CCDC148: variants seen among roughly 807,000 people sequenced by gnomAD.
The protein encoded by CCDC148 is coiled-coil domain containing 148.
CCDC148 carries 89 observed loss-of-function variants against 85.7 expected under a neutral mutation model. The observed-to-expected ratio is 1.04, with a 90% CI of 0.87 to 1.24. The LOEUF (loss-of-function observed/expected upper bound fraction) is 1.24, where lower values mean the gene tolerates loss of function less well. CCDC148 is among the 50% of genes most tolerant of loss of function. The pLI is 0.00. For missense variants in CCDC148, 692 were observed against 671.7 expected (o/e 1.03, Z -0.33); for synonymous variants, 230 against 213.9 (o/e 1.08, Z -0.66).
intron 1 of CCDC148, among the ~76,000 whole-genome samples, chr2:158,385,925 T>C (rs1685066893): frequency 6.6e-6 from 1 of 152,122 alleles, no homozygotes; most frequent in Non-Finnish European, 1.5e-5. Context: ...GCCTCTGCAC[T>C]GTCTCCCTGG....
At position 158,250,908 on chromosome 2, in the gene CCDC148, C is replaced by T. The variant is rs768078869; in HGVS notation, c.1115G>A (p.Arg372His). 1.6e-5 allele frequency: 26 copies of T among 1,594,700 alleles called. No individual in the cohort carries two copies. The highest frequency in any genetic ancestry group is 2.1e-5 in the Non-Finnish European group (25 of 1,175,092). The change falls in exon 10 of 14, where the codon CGT becomes CAT. Residue 372 changes from arginine (R) to histidine (H), a missense_variant. Arg to His is a conservative substitution (Grantham distance 29, BLOSUM62 0). Coordinates refer to ENST00000283233, the MANE Select transcript of CCDC148 (RefSeq NM_138803.4). ...ELCADLKAKVRQWRAHQEEVA... is the reference protein window; with the variant it reads ...ELCADLKAKVHQWRAHQEEVA... The stretch of plus-strand genomic sequence containing the variant: ...CTCTTCTTGGTGGGCTCGCCATTGA[C>T]GAACCTGAAATAAAGAGAAAAACTT...
chr2:158,223,223 G>A (rs1687291770), intron 10 of CCDC148, among the ~76,000 whole-genome samples: 3 of 152,170 alleles, frequency 2.0e-5, no homozygotes, highest in Non-Finnish European at 1.5e-5. Context: ...CTCACTGCTA[G>A]CACAGCAGTC....
At chr2:158,381,276 G>T (rs1236985809) in intron 1 of CCDC148, among the ~76,000 whole-genome samples, 3 of 152,002 alleles carry the variant, frequency 2.0e-5, no homozygotes, top group Non-Finnish European at 4.4e-5. Context: ...ATGAGAAAAA[G>T]GCAGACGACC....
At chr2:158,419,730 G>A (rs1313241433) in intron 1 of CCDC148, among the ~76,000 whole-genome samples, 1 of 152,106 alleles carries the variant, frequency 6.6e-6, no homozygotes, top group Non-Finnish European at 1.5e-5. Context: ...GTGTGAGAAA[G>A]GGGATAGATG....
rs187433517 is a variant in CCDC148, at chr2:158,332,367, G to A, written c.764+6359C>T. ...TCTTCTGGCTTGGAGAGTTTCTGCC[G>A]AGAGATCAGCTGTTATTCTCATGGG... is the stretch of plus-strand genomic sequence containing the variant. On this transcript the variant is annotated intron_variant, in intron 7 of 13. Transcript: ENST00000283233. 4.7e-3 allele frequency among the ~76,000 whole-genome samples: 710 copies of A among 150,238 alleles called. 1 individual carries two copies. Among genetic ancestry groups the A allele is most frequent in the African/African-American group, 0.016 (641 of 40,416 alleles).
At chr2:158,353,323 A>G (rs1329854546) in intron 2 of CCDC148, among the ~76,000 whole-genome samples, 2 of 147,424 alleles carry the variant, frequency 1.4e-5, no homozygotes, top group African/African-American at 5.0e-5. Flanking sequence ...TGCTGTATTC[A>G]GGAAACCCAT....
At chr2:158,341,507 G>T (rs1170898678) in intron 3 of CCDC148, among the ~76,000 whole-genome samples, 1 of 151,960 alleles carries the variant, frequency 6.6e-6, no homozygotes, top group Non-Finnish European at 1.5e-5. Flanking sequence ...TAGAGACAGG[G>T]TTTCACTATG....
rs1336448389 is a variant in CCDC148 at position 158,358,459 on chromosome 2, G to A, written c.137C>T (p.Ala46Val). 1.2e-6 allele frequency: 2 copies of A among 1,605,512 alleles called. No individual in the cohort carries two copies. Among genetic ancestry groups the A allele is most frequent in the Non-Finnish European group, 8.5e-7 (1 of 1,177,322 alleles). The change falls in exon 2 of 14, where the codon GCA becomes GTA. Residue 46 changes from alanine (A) to valine (V), a missense_variant. By Grantham distance (64) the Ala-to-Val change is moderately conservative. Coordinates refer to ENST00000283233, the MANE Select transcript of CCDC148 (RefSeq NM_138803.4). ...CACACAACTTCTAACCTTTAGCTTT[G>A]CAGAGGCAGAAGCCAATTTCTTTGC... ...TEAKKLASAS[A>V]KLKIRKAMLT...
intron 9 of CCDC148, among the ~76,000 whole-genome samples, chr2:158,300,847 C>T (rs1283165658): frequency 1.3e-5 from 2 of 152,078 alleles, no homozygotes; most frequent in African/African-American, 2.4e-5. Flanking sequence ...GAATGGCATA[C>T]CTGAATTGCA....
chr2:158,180,233 G>T (rs537702052), intron 11 of CCDC148, among the ~76,000 whole-genome samples: 11 of 152,192 alleles, frequency 7.2e-5, no homozygotes, highest in African/African-American at 2.4e-4. Context: ...TCTGGATTCT[G>T]GTATTTACTG....
intron 1 of CCDC148, among the ~76,000 whole-genome samples, chr2:158,436,751 G>C (rs755701102): frequency 6.6e-6 from 1 of 152,098 alleles, no homozygotes; most frequent in Non-Finnish European, 1.5e-5. Context: ...AAAAAGAAAA[G>C]AGAGAAGAAT....
At chr2:158,229,815 A>G (rs1687760859) in intron 10 of CCDC148, among the ~76,000 whole-genome samples, 1 of 152,146 alleles carries the variant, frequency 6.6e-6, no homozygotes, top group Non-Finnish European at 1.5e-5. Flanking sequence ...GGAATTAAAC[A>G]TAATTTTATC....
chr2:158,336,480 G>A (rs966901643), intron 7 of CCDC148, among the ~76,000 whole-genome samples: 16 of 152,090 alleles, frequency 1.1e-4, no homozygotes, highest in African/African-American at 3.9e-4. Flanking sequence ...AATATTCCAA[G>A]CCTTCTTAGA....
intron 1 of CCDC148, among the ~76,000 whole-genome samples, chr2:158,438,380 T>C (rs1031504600): frequency 2.0e-5 from 3 of 152,190 alleles, no homozygotes; most frequent in Admixed American, 1.3e-4. Context: ...GGGGAAATGA[T>C]TCCCTATTTA....
intron 9 of CCDC148, among the ~76,000 whole-genome samples, chr2:158,295,266 T>C (rs941568562): frequency 1.3e-5 from 2 of 152,010 alleles, no homozygotes; most frequent in Admixed American, 1.3e-4. Flanking sequence ...CAGGACCAGA[T>C]GGATTCACAG....
At chr2:158,320,999 T>C (rs534933931) in intron 7 of CCDC148, among the ~76,000 whole-genome samples, 1 of 152,240 alleles carries the variant, frequency 6.6e-6, no homozygotes, top group South Asian at 2.1e-4. Context: ...CAAATAAATA[T>C]AACTAAGCAA....
In CCDC148 at chr2:158,424,906, C is replaced by T. The variant is rs556087274; in HGVS notation, c.25+31509G>A. ...ACATATATAGATGAAGAGCCAGTAA[C>T]GAAATTGTTAGACAGCAGATTATTA... On this transcript the variant is annotated intron_variant, in intron 1 of 13. Coordinates refer to ENST00000283233, the MANE Select transcript of CCDC148 (RefSeq NM_138803.4). 18 of 266,728 alleles carry T rather than the reference C, an allele frequency of 6.7e-5. No individual in the cohort carries two copies. In the East Asian group the frequency reaches 1.2e-3, roughly 17 times the overall value. The allele number at this position is 266,728 out of a possible 1,614,324, so 16.5% of individuals were successfully genotyped here. A position where few individuals can be genotyped will look rare whatever the true frequency, so the allele number is the denominator to read the frequency against.
chr2:158,280,280 T>C (rs1690209414), intron 9 of CCDC148, among the ~76,000 whole-genome samples: 1 of 152,142 alleles, frequency 6.6e-6, no homozygotes, highest in Non-Finnish European at 1.5e-5. Flanking sequence ...ATAACAATAT[T>C]AGCTTTAAAT....
chr2:158,383,709 C>T (rs1259631394), intron 1 of CCDC148, among the ~76,000 whole-genome samples: 1 of 152,068 alleles, frequency 6.6e-6, no homozygotes, highest in Non-Finnish European at 1.5e-5. Flanking sequence ...CCCTGATTTC[C>T]CATCCCTCCT....
Sources: gnomAD v4.1 joint callset for allele counts (sites outside exome capture counted in the v4.1 genomes callset) on GRCh38, gnomAD v4.1.1 for gene constraint, MANE v1.5 for transcripts, NCBI Gene and HGNC (gene_info 2026-07-23, HGNC 2026-07-21) for gene names.